The following ACER2 variants were observed in gnomAD, a reference collection of about 807,000 sequenced individuals.
ACER2 encodes the protein alkaline ceramidase 2.
ACER2 carries 26 observed loss-of-function variants against 34.7 expected under a neutral mutation model. The ratio of observed to expected loss-of-function variants is 0.75; its 90% CI spans 0.55 to 1.04. The LOEUF (loss-of-function observed/expected upper bound fraction) is 1.04. Ranked by LOEUF, ACER2 falls within the 50% of genes least tolerant of loss-of-function variation. The pLI, the probability that ACER2 is intolerant of heterozygous loss-of-function variation, is 0.00. For missense variants in ACER2, 352 were observed against 340.8 expected (o/e 1.03, Z -0.26); for synonymous variants, 138 against 132.1 (o/e 1.04, Z -0.31).
rs116664406 is a variant in ACER2, at chr9:19,417,380, A to G, written c.109-6482A>G. 9.8e-3 allele frequency among the ~76,000 whole-genome samples: 1,499 copies of G among 152,324 alleles called. 26 individuals carry two copies. Among genetic ancestry groups the G allele is most frequent in the African/African-American group, 0.034 (1,422 of 41,562 alleles). On this transcript the variant is annotated intron_variant, in intron 1 of 5. Transcript: ENST00000340967. ...ACAGAATTAGAAACAACTACTTTAAATTTCATATGGAAACAAAAAGCCCAC... is the reference window on the plus strand; with the variant it reads ...ACAGAATTAGAAACAACTACTTTAAGTTTCATATGGAAACAAAAAGCCCAC...
Position 19,434,961 on chromosome 9 carries a change from T to TG in ACER2, c.382dup (p.Val128GlyfsTer43). The TG allele has an allele frequency of 6.2e-7, 1 of 1,613,674 alleles. No individual in the cohort carries two copies. Among genetic ancestry groups the TG allele is most frequent in the Non-Finnish European group, 8.5e-7 (1 of 1,179,988 alleles). On this transcript the variant is annotated frameshift_variant, in exon 4 of 6. Coordinates refer to ENST00000340967, the MANE Select transcript of ACER2 (RefSeq NM_001010887.3). LOFTEE classifies it high-confidence loss of function. ...CATGGATTCAGGGGTAGGTTCAAGG[T>TG]GGTGGTCAGTGTCCTGTCTGCGGTT...
chr9:19,432,778 T>G (rs1313438617), intron 3 of ACER2, among the ~76,000 whole-genome samples: 2 of 149,204 alleles, frequency 1.3e-5, no homozygotes, highest in Non-Finnish European at 3.0e-5. Flanking sequence ...TATATAAAAT[T>G]TATTTTATTT....
At chr9:19,415,343 T>C (rs1157764720) in intron 1 of ACER2, among the ~76,000 whole-genome samples, 1 of 151,762 alleles carries the variant, frequency 6.6e-6, no homozygotes, top group East Asian at 1.9e-4. Flanking sequence ...ATACAAAAAA[T>C]TAGATGGGCA....
chr9:19,434,969 A>T lies in ACER2; in HGVS notation c.388A>T (p.Ser130Cys), dbSNP rs749960556. 6.2e-7 allele frequency: 1 copy of T among 1,613,954 alleles called. No individual in the cohort carries two copies. Among genetic ancestry groups the T allele is most frequent in the Non-Finnish European group, 8.5e-7 (1 of 1,180,040 alleles). ...NDRGRFKVVV[S>C]VLSAVTTCLA... ...CAGGGGTAGGTTCAAGGTGGTGGTC[A>T]GTGTCCTGTCTGCGGTTACGACGTG... is the stretch of plus-strand genomic sequence containing the variant. Residue 130 changes from serine to cysteine, a missense_variant, in exon 4 of 6, where the codon AGT becomes TGT. By Grantham distance (112) the Ser-to-Cys change is moderately radical. Coordinates refer to ENST00000340967, the MANE Select transcript of ACER2 (RefSeq NM_001010887.3).
At chr9:19,434,909 C>A (rs759524643) in intron 3 of ACER2, 38 bp from the exon 4 acceptor site, 4 of 1,610,144 alleles carry the variant, frequency 2.5e-6, no homozygotes, top group African/African-American at 1.3e-5. Context: ...ACAAGAACTC[C>A]TTTTCTAATG....
chr9:19,423,840 G>A lies in ACER2; in HGVS notation c.109-22G>A, dbSNP rs753040097. The A allele has an allele frequency of 5.7e-6, 9 of 1,585,074 alleles. No homozygotes were observed. In the Admixed American group the frequency reaches 1.2e-4, roughly 21 times the overall value. On this transcript the variant is annotated intron_variant, in intron 1 of 5. Coordinates refer to ENST00000340967, the MANE Select transcript of ACER2 (RefSeq NM_001010887.3). ...CTTTTTACTTAATACTCATCTTTCT[G>A]TTTTACATTTTTTTCCTGCAGATCA... is the stretch of plus-strand genomic sequence containing the variant.
chr9:19,409,062 T>C lies in ACER2; in HGVS notation c.-23T>C, dbSNP rs1270402700. ...GGCTCTTCTCAGCTGCGCGAGCAGC[T>C]GCTCCAATGCCCCGGAGTGGCCATG... On this transcript the variant is annotated 5_prime_UTR_variant, in exon 1 of 6. Coordinates refer to ENST00000340967, the MANE Select transcript of ACER2 (RefSeq NM_001010887.3). 6.4e-7 allele frequency: 1 copy of C among 1,553,132 alleles called. No individual in the cohort carries two copies.
In ACER2 at chr9:19,431,579, G is replaced by A. The variant is rs531707097; in HGVS notation, c.366-3368G>A. On this transcript the variant is annotated intron_variant, in intron 3 of 5. Transcript: ENST00000340967. ...TTGTGGGTCCCCAAGGGCCCTGCACGTGATGGCTGTGGGCCCTCACCCTGA... is the reference window on the plus strand; with the variant it reads ...TTGTGGGTCCCCAAGGGCCCTGCACATGATGGCTGTGGGCCCTCACCCTGA... 2.5e-3 allele frequency among the ~76,000 whole-genome samples: 375 copies of A among 152,320 alleles called. 2 individuals are homozygous for A. The highest frequency in any genetic ancestry group is 8.2e-3 in the African/African-American group (343 of 41,578).
intron 5 of ACER2, among the ~76,000 whole-genome samples, chr9:19,448,164 G>A (rs914002897): frequency 6.6e-6 from 1 of 151,966 alleles, no homozygotes; most frequent in Admixed American, 6.6e-5. Context: ...GCATGCCACT[G>A]TGCCAGGCTA....
At chr9:19,410,535 C>T (rs1049320878) in intron 1 of ACER2, among the ~76,000 whole-genome samples, 2 of 152,150 alleles carry the variant, frequency 1.3e-5, no homozygotes, top group African/African-American at 4.8e-5. Context: ...CATGGCGAAA[C>T]CTCATCTCTA....
At chr9:19,420,952 A>G (rs1211275960) in intron 1 of ACER2, among the ~76,000 whole-genome samples, 1 of 152,118 alleles carries the variant, frequency 6.6e-6, no homozygotes, top group Admixed American at 6.6e-5. Context: ...TGAGAAATGT[A>G]TTGTCAGGAG....
rs1180045013 is a variant in ACER2 at position 19,410,012 on chromosome 9, C to A, written c.108+820C>A. 4 of 865,438 alleles carry A rather than the reference C, an allele frequency of 4.6e-6. No homozygotes were observed. The East Asian group carries it at 4.9e-4, about 105-fold the overall frequency. The allele number at this position is 865,438 out of a possible 1,614,324, so 53.6% of individuals were successfully genotyped here. ...GAAATGCCTCTTATTTTGTGTATGT[C>A]CATGGCTCAGAATCCTGGTACAGAA... On this transcript the variant is annotated intron_variant, in intron 1 of 5. Coordinates refer to ENST00000340967, the MANE Select transcript of ACER2 (RefSeq NM_001010887.3).
chr9:19,437,991 C>T (rs1831027638), intron 4 of ACER2, among the ~76,000 whole-genome samples: 1 of 152,158 alleles, frequency 6.6e-6, no homozygotes, highest in South Asian at 2.1e-4. Context: ...CCATGGTGCC[C>T]ATTACCTCTG....
intron 4 of ACER2, among the ~76,000 whole-genome samples, chr9:19,438,572 G>T (rs1218956436): frequency 6.6e-6 from 1 of 152,168 alleles, no homozygotes; most frequent in Non-Finnish European, 1.5e-5. Flanking sequence ...TAATTAAATT[G>T]CTGGTGACAA....
rs2132478431 is a variant in ACER2, at chr9:19,424,704, T to G, written c.228T>G (p.Ile76Met). The G allele has an allele frequency of 6.2e-7, 1 of 1,613,416 alleles. No homozygotes were observed. The highest frequency in any genetic ancestry group is 1.3e-5 in the African/African-American group (1 of 75,014). ...LIWTLLVVVG[I>M]GSVYFHATLS... The stretch of plus-strand genomic sequence containing the variant: ...ATTGGTTGTAATTGATTCTAGGAAT[T>G]GGATCCGTCTACTTCCATGCAACCC... Residue 76 changes from isoleucine (I) to methionine (M), a missense_variant, in exon 3 of 6, where the codon ATT (isoleucine) becomes ATG (methionine). Coordinates refer to ENST00000340967, the MANE Select transcript of ACER2 (RefSeq NM_001010887.3).
chr9:19,410,322 A>C lies in ACER2; in HGVS notation c.108+1130A>C, dbSNP rs78108996. Among the ~76,000 whole-genome samples, 653 of 152,268 alleles carry C rather than the reference A, an allele frequency of 4.3e-3. 5 individuals are homozygous for C. The highest frequency in any genetic ancestry group is 0.015 in the African/African-American group (629 of 41,552). ...TGGCATGGCTGGGGCCACAATCCAG[A>C]AGTCTGGGCCCTTCCTTCCCTCAGT... On this transcript the variant is annotated intron_variant, in intron 1 of 5. Coordinates refer to ENST00000340967, the MANE Select transcript of ACER2 (RefSeq NM_001010887.3).
chr9:19,423,278 G>T (rs1404726237), intron 1 of ACER2, among the ~76,000 whole-genome samples: 1 of 152,134 alleles, frequency 6.6e-6, no homozygotes, highest in African/African-American at 2.4e-5. Flanking sequence ...AATAAGAGAG[G>T]AGCTTGGGCA....
At chr9:19,434,575 A>G (rs1830894976) in intron 3 of ACER2, among the ~76,000 whole-genome samples, 1 of 152,246 alleles carries the variant, frequency 6.6e-6, no homozygotes, top group African/African-American at 2.4e-5. Context: ...GCTGGAGACC[A>G]GCCTGGCCAA....
intron 4 of ACER2, among the ~76,000 whole-genome samples, chr9:19,442,302 G>T (rs572479670): frequency 6.6e-6 from 1 of 152,318 alleles, no homozygotes; most frequent in Admixed American, 6.5e-5. Context: ...GTAGAATAAG[G>T]TCCTGCTGTA....
Sources: gnomAD v4.1 joint callset for allele counts (sites outside exome capture counted in the v4.1 genomes callset) on GRCh38, gnomAD v4.1.1 for gene constraint, MANE v1.5 for transcripts, NCBI Gene and HGNC (gene_info 2026-07-23, HGNC 2026-07-21) for gene names.